Variants in MECOM observed in about 807,000 individuals in gnomAD.
MECOM encodes the protein MDS1 and EVI1 complex locus, also known as histone-lysine N-methyltransferase MECOM.
A neutral mutation model predicts 116.3 loss-of-function variants in MECOM; 13 were observed. The observed-to-expected ratio is 0.11, with a 90% confidence interval of 0.07 to 0.18. MECOM has a LOEUF of 0.18. Among genes scored for constraint, MECOM ranks in the 10% least tolerant of loss-of-function variants. MECOM has a pLI of 1.00. For synonymous variants in MECOM, 528 were observed against 535.2 expected (o/e 0.99, Z 0.19); for missense variants, 1,299 against 1,509.0 (o/e 0.86, Z 2.31).
At chr3:169,276,997 TACAC>T (rs71300479) in intron 2 of MECOM, among the ~76,000 whole-genome samples, 4,905 of 144,412 alleles carry the variant, frequency 0.034, 112 homozygotes, top group African/African-American at 0.066. Context: ...TAATTTATGT[TACAC>T]ACACACACAC....
At chr3:169,271,068 C>T (rs534878845) in intron 2 of MECOM, among the ~76,000 whole-genome samples, 14 of 152,146 alleles carry the variant, frequency 9.2e-5, no homozygotes, top group South Asian at 2.1e-4. Flanking sequence ...AAGACAAGTC[C>T]GATTTCTCCG....
intron 1 of MECOM, among the ~76,000 whole-genome samples, chr3:169,404,307 A>C (rs954504930): frequency 2.6e-5 from 4 of 152,134 alleles, no homozygotes; most frequent in Admixed American, 2.0e-4. Flanking sequence ...ACACACCACC[A>C]CACAAGTCTT....
At chr3:169,411,008 A>G (rs1737472223) in intron 1 of MECOM, among the ~76,000 whole-genome samples, 1 of 152,108 alleles carries the variant, frequency 6.6e-6, no homozygotes, top group South Asian at 2.1e-4. Context: ...ATTTTCCACT[A>G]CTGAATTTAG....
At chr3:169,097,325 G>T (rs571445447) in intron 12 of MECOM, among the ~76,000 whole-genome samples, 1 of 152,122 alleles carries the variant, frequency 6.6e-6, no homozygotes, top group East Asian at 1.9e-4. Flanking sequence ...TCTCTCCTCT[G>T]CTAAAGTCTT....
intron 2 of MECOM, among the ~76,000 whole-genome samples, chr3:169,268,757 G>A (rs534181971): frequency 2.8e-4 from 42 of 152,278 alleles, no homozygotes; most frequent in South Asian, 4.1e-4. Context: ...GTATGTAGAC[G>A]TCTTCCCTAT....
chr3:169,330,035 A>T (rs1299109736), intron 2 of MECOM, among the ~76,000 whole-genome samples: 1 of 150,970 alleles, frequency 6.6e-6, no homozygotes, highest in East Asian at 1.9e-4. Flanking sequence ...GTGGATTTTT[A>T]TTTTTTTTTA....
intron 1 of MECOM, among the ~76,000 whole-genome samples, chr3:169,521,423 T>C (rs772234043): frequency 2.6e-5 from 4 of 152,174 alleles, no homozygotes; most frequent in Non-Finnish European, 4.4e-5. Flanking sequence ...CTTTTTGGTG[T>C]CCATTCCCAA....
At chr3:169,395,111 A>G (rs549941273) in intron 1 of MECOM, among the ~76,000 whole-genome samples, 1 of 152,336 alleles carries the variant, frequency 6.6e-6, no homozygotes, top group Non-Finnish European at 1.5e-5. Flanking sequence ...GTGAGTCACA[A>G]AAAGATCATG....
At chr3:169,156,687 T>G (rs1297141284) in intron 2 of MECOM, among the ~76,000 whole-genome samples, 1 of 152,164 alleles carries the variant, frequency 6.6e-6, no homozygotes, top group Non-Finnish European at 1.5e-5. Context: ...TCAACCCACT[T>G]CTTCCTATCC....
At chr3:169,128,899 C>T (rs1335012819) in intron 4 of MECOM, among the ~76,000 whole-genome samples, 1 of 152,162 alleles carries the variant, frequency 6.6e-6, no homozygotes, top group Non-Finnish European at 1.5e-5. Flanking sequence ...TCAGCCCACT[C>T]ATAAAGCCAC....
chr3:169,597,302 G>A (rs1285843138), intron 1 of MECOM, among the ~76,000 whole-genome samples: 2 of 152,192 alleles, frequency 1.3e-5, no homozygotes, highest in Non-Finnish European at 2.9e-5. Context: ...AAACTGAGAA[G>A]ATAGACTTCC....
intron 1 of MECOM, among the ~76,000 whole-genome samples, chr3:169,457,007 A>G (rs533888901): frequency 7.2e-5 from 11 of 152,266 alleles, no homozygotes; most frequent in African/African-American, 2.2e-4. Flanking sequence ...ACATCCAGGG[A>G]GCTGGGCTGG....
At chr3:169,228,505 G>A (rs573011386) in intron 2 of MECOM, among the ~76,000 whole-genome samples, 20 of 152,068 alleles carry the variant, frequency 1.3e-4, no homozygotes, top group African/African-American at 3.1e-4. Context: ...TTGTATTTTC[G>A]TGAGACTACA....
chr3:169,642,404 G>A (rs142418087), intron 1 of MECOM, among the ~76,000 whole-genome samples: 8 of 146,818 alleles, frequency 5.4e-5, no homozygotes, highest in Middle Eastern at 3.7e-3. Flanking sequence ...CCGAGATCGC[G>A]CCACTGCCCT....
intron 2 of MECOM, among the ~76,000 whole-genome samples, chr3:169,366,789 G>T (rs1729237690): frequency 6.6e-6 from 1 of 152,054 alleles, no homozygotes; most frequent in Non-Finnish European, 1.5e-5. Context: ...AAGCCTGTGA[G>T]GTCAGCTGCA....
At chr3:169,167,349 G>A (rs1197929182) in intron 2 of MECOM, among the ~76,000 whole-genome samples, 1 of 152,122 alleles carries the variant, frequency 6.6e-6, no homozygotes, top group Non-Finnish European at 1.5e-5. Context: ...AAGCCATTGG[G>A]CTTTCCAGCC....
chr3:169,287,084 C>T (rs1043146827), intron 2 of MECOM, among the ~76,000 whole-genome samples: 3 of 152,106 alleles, frequency 2.0e-5, no homozygotes, highest in Non-Finnish European at 4.4e-5. Flanking sequence ...CTGGGCCCTC[C>T]GAAGATAGAA....
In MECOM at chr3:169,660,502, A is replaced by T. The variant is rs137980350; in HGVS notation, c.37+2834T>A. Among the ~76,000 whole-genome samples the T allele has an allele frequency of 2.9e-3, 439 of 152,278 alleles. 2 individuals carry two copies. The highest frequency in any genetic ancestry group is 1.0e-2 in the African/African-American group (414 of 41,552). On this transcript the variant is annotated intron_variant, in intron 1 of 16. Coordinates refer to ENST00000651503, the MANE Select transcript of MECOM (RefSeq NM_004991.4). ...TCCATGGGCTCCTGTACTGTAGTCA[A>T]GGCCAAATCAGGACTTAAGACCACC...
At chr3:169,293,050 TA>T (rs1305695482) in intron 2 of MECOM, among the ~76,000 whole-genome samples, 1 of 152,156 alleles carries the variant, frequency 6.6e-6, no homozygotes, top group Admixed American at 6.6e-5. Flanking sequence ...TTATAACTAA[TA>T]ATAGGTACCT....
Sources: allele counts gnomAD v4.1 joint callset (sites outside exome capture counted in the v4.1 genomes callset), GRCh38; gene constraint gnomAD v4.1.1; transcripts MANE v1.5; gene names NCBI Gene and HGNC (gene_info 2026-07-23, HGNC 2026-07-21).